Variants in INTS9 observed in about 807,000 individuals in gnomAD.
INTS9 encodes protein related to CPSF subunits of 74 kDa.
INTS9 carries 55 observed loss-of-function variants against 79.7 expected under a neutral mutation model. That is an observed-to-expected ratio of 0.69 (90% CI 0.56 to 0.86). INTS9 has a LOEUF of 0.86. Among genes scored for constraint, INTS9 ranks in the 40% least tolerant of loss-of-function variants. The pLI is 0.00. For synonymous variants in INTS9, 319 were observed against 325.2 expected (o/e 0.98, Z 0.20); for missense variants, 721 against 831.5 (o/e 0.87, Z 1.64).
chr8:28,777,072 G>A (rs1237307020), intron 13 of INTS9, among the ~76,000 whole-genome samples: 3 of 152,020 alleles, frequency 2.0e-5, no homozygotes, highest in South Asian at 2.1e-4. Context: ...GGGGTTCTCC[G>A]GCTTTCTCTG....
At chr8:28,780,075 TC>T (rs1803157726) in intron 12 of INTS9, among the ~76,000 whole-genome samples, 3 of 151,462 alleles carry the variant, frequency 2.0e-5, no homozygotes, top group South Asian at 2.1e-4. Flanking sequence ...TTTTCTTTTT[TC>T]TTCATAGCCT....
intron 12 of INTS9, among the ~76,000 whole-genome samples, chr8:28,779,239 T>C (rs1803089830): frequency 6.6e-6 from 1 of 152,168 alleles, no homozygotes; most frequent in East Asian, 1.9e-4. Context: ...TTCTGGGTGT[T>C]GTCAATCAAT....
At chr8:28,768,423 C>CA in intron 16 of INTS9, 101 bp from the exon 17 acceptor site, 1 of 1,035,292 alleles carries the variant, frequency 9.7e-7, no homozygotes, top group South Asian at 1.3e-5. Context: ...TAGAAACTGA[C>CA]ACGTCTCAAC....
chr8:28,769,682 C>G (rs922895644), intron 16 of INTS9: 16 of 602,350 alleles, frequency 2.7e-5, no homozygotes, highest in Non-Finnish European at 4.2e-5. Flanking sequence ...CTGGTGACCT[C>G]GTGCTGGGAG....
At chr8:28,790,841 C>T (rs1001288252) in intron 10 of INTS9, among the ~76,000 whole-genome samples, 2 of 152,198 alleles carry the variant, frequency 1.3e-5, no homozygotes, top group South Asian at 4.1e-4. Flanking sequence ...ATGACTCCAG[C>T]CTGGGCTTCT....
rs139171984 is a variant in INTS9, at chr8:28,784,221, A to C, written c.1099-3227T>G. 2.0e-4 allele frequency among the ~76,000 whole-genome samples: 30 copies of C among 152,338 alleles called. No homozygotes were observed. In the East Asian group the frequency reaches 5.8e-3, roughly 29 times the overall value. ...CTCATGGTACGACCACAGTCTACTCACATTCCTAACTCTAAATGGCACCAG... is the reference window on the plus strand; with the variant it reads ...CTCATGGTACGACCACAGTCTACTCCCATTCCTAACTCTAAATGGCACCAG... On this transcript the variant is annotated intron_variant, in intron 11 of 16. Coordinates refer to ENST00000521022, the MANE Select transcript of INTS9 (RefSeq NM_018250.4).
chr8:28,786,837 C>A (rs1315431369), intron 11 of INTS9, among the ~76,000 whole-genome samples: 1 of 152,162 alleles, frequency 6.6e-6, no homozygotes, highest in Admixed American at 6.5e-5. Flanking sequence ...CCTGCTTCAG[C>A]CTCCCGAGCA....
chr8:28,771,002 C>T lies in INTS9; in HGVS notation c.1642G>A (p.Asp548Asn). The T allele has an allele frequency of 6.2e-7, 1 of 1,613,544 alleles. No individual in the cohort carries two copies. Among genetic ancestry groups the T allele is most frequent in the Non-Finnish European group, 8.5e-7 (1 of 1,179,894 alleles). The stretch of plus-strand genomic sequence containing the variant: ...CCTACCTGAAGCAAGTGCTTGTTAT[C>T]TTTGGTGTGCAGCACGGCCGAGACA... ...ATVSAVLHTK[D>N]NKHLLQPPPR... Residue 548 changes from aspartate (D) to asparagine (N), a missense_variant, in exon 15 of 17, where the codon GAT becomes AAT. By Grantham distance (23) the Asp-to-Asn change is conservative (BLOSUM62 1). Around this residue, in one of 3 missense-constraint regions of INTS9, gnomAD observed 281 missense variants for 300.8 expected, o/e 0.93. Coordinates refer to ENST00000521022, the MANE Select transcript of INTS9 (RefSeq NM_018250.4).
intron 1 of INTS9, among the ~76,000 whole-genome samples, chr8:28,885,463 T>A (rs1332691317): frequency 6.6e-6 from 1 of 152,174 alleles, no homozygotes; most frequent in Non-Finnish European, 1.5e-5. Flanking sequence ...AGGGGTCAAA[T>A]GTAATGGTTA....
intron 7 of INTS9, among the ~76,000 whole-genome samples, chr8:28,813,005 C>A (rs1041475717): frequency 6.6e-6 from 1 of 152,208 alleles, no homozygotes; most frequent in Non-Finnish European, 1.5e-5. Flanking sequence ...AAGGTTCACA[C>A]ATTAAAAGGG....
intron 11 of INTS9, among the ~76,000 whole-genome samples, chr8:28,785,183 G>A (rs1224719934): frequency 2.0e-5 from 3 of 152,202 alleles, no homozygotes; most frequent in Non-Finnish European, 2.9e-5. Flanking sequence ...TGATGTTAAC[G>A]TTGACTGCAT....
intron 4 of INTS9, among the ~76,000 whole-genome samples, chr8:28,845,065 T>C (rs1404496731): frequency 6.6e-6 from 1 of 152,212 alleles, no homozygotes; most frequent in Admixed American, 6.5e-5. Context: ...TACTCACATA[T>C]TTACTTACAT....
chr8:28,835,471 ACCTC>A, intron 5 of INTS9, 93 bp from the exon 6 acceptor site: 2 of 737,522 alleles, frequency 2.7e-6, no homozygotes, highest in Non-Finnish European at 4.7e-6. Flanking sequence ...TGACTTGCCC[ACCTC>A]CCCCTACACC....
At chr8:28,775,959 G>A in intron 13 of INTS9, 33 bp from the exon 14 acceptor site, 1 of 1,511,222 alleles carries the variant, frequency 6.6e-7, no homozygotes, top group Non-Finnish European at 8.9e-7. Context: ...GAGAAAGGTG[G>A]TGTGAAGTAC....
chr8:28,821,116 T>C (rs776468284), intron 6 of INTS9, among the ~76,000 whole-genome samples: 6 of 152,184 alleles, frequency 3.9e-5, no homozygotes, highest in African/African-American at 1.2e-4. Context: ...AACATCCTGC[T>C]ATCACAGATG....
intron 14 of INTS9, among the ~76,000 whole-genome samples, chr8:28,773,966 C>T (rs2013120): frequency 0.54 from 82,139 of 151,992 alleles, 22,724 homozygotes; most frequent in African/African-American, 0.62. Context: ...ATTACAGGTG[C>T]GTGACACCAC....
At chr8:28,835,733 T>C (rs1806772765) in intron 5 of INTS9, among the ~76,000 whole-genome samples, 1 of 152,188 alleles carries the variant, frequency 6.6e-6, no homozygotes, top group African/African-American at 2.4e-5. Flanking sequence ...AGAAGTTAAA[T>C]GACTGTCAGG....
At chr8:28,847,307 T>C (rs1464550997) in intron 3 of INTS9, among the ~76,000 whole-genome samples, 4 of 152,160 alleles carry the variant, frequency 2.6e-5, no homozygotes, top group African/African-American at 4.8e-5. Context: ...ATAAACTGTT[T>C]AGAAGCTTTT....
intron 10 of INTS9, among the ~76,000 whole-genome samples, chr8:28,792,269 A>G (rs2665909): frequency 0.56 from 84,554 of 151,902 alleles, 24,816 homozygotes; most frequent in Non-Finnish European, 0.66. Context: ...AATGAAATTA[A>G]TGCTTCTCTT....
Sources: gnomAD v4.1 joint callset for allele counts (sites outside exome capture counted in the v4.1 genomes callset) on GRCh38, gnomAD v4.1.1 for gene constraint, gnomAD v4.1.1 regional missense constraint, MANE v1.5 for transcripts, NCBI Gene and HGNC (gene_info 2026-07-23, HGNC 2026-07-21) for gene names.